PTPRD: variants seen among roughly 807,000 people sequenced by gnomAD.
PTPRD encodes the protein receptor-type tyrosine-protein phosphatase delta.
PTPRD carries 34 observed loss-of-function variants against 214.5 expected under a neutral mutation model. That is an observed-to-expected ratio of 0.16 (90% CI 0.12 to 0.21). The LOEUF is 0.21. Among genes scored for constraint, PTPRD ranks in the 10% least tolerant of loss-of-function variants. PTPRD has a pLI of 1.00. For missense variants in PTPRD, 2,545 were observed against 2,398.7 expected, an observed-to-expected ratio of 1.06 and a Z score of -1.27; for synonymous variants, 1,128 against 845.7, an observed-to-expected ratio of 1.33 and a Z score of -5.79.
chr9:9,877,898 G>A (rs775048543), intron 5 of PTPRD, among the ~76,000 whole-genome samples: 3 of 151,224 alleles, frequency 2.0e-5, no homozygotes, highest in African/African-American at 4.9e-5. Flanking sequence ...GCTTTACCCC[G>A]GGAGGTGGAG....
At chr9:8,669,147 T>C (rs918625975) in intron 12 of PTPRD, among the ~76,000 whole-genome samples, 1 of 152,154 alleles carries the variant, frequency 6.6e-6, no homozygotes, top group Non-Finnish European at 1.5e-5. Context: ...GGGATGCATG[T>C]AGGCAGACAG....
At chr9:8,741,148 T>C (rs1203746265) in intron 11 of PTPRD, among the ~76,000 whole-genome samples, 1 of 152,170 alleles carries the variant, frequency 6.6e-6, no homozygotes, top group Non-Finnish European at 1.5e-5. Context: ...TTAACTTTGA[T>C]TGTTTCTTTC....
intron 7 of PTPRD, among the ~76,000 whole-genome samples, chr9:9,720,310 A>G (rs2097913254): frequency 6.6e-6 from 1 of 152,266 alleles, no homozygotes; most frequent in Non-Finnish European, 1.5e-5. Flanking sequence ...CAAATTGTCA[A>G]CAGTCACAGA....
intron 10 of PTPRD, among the ~76,000 whole-genome samples, chr9:9,135,483 A>G (rs1359514402): frequency 6.6e-6 from 1 of 152,150 alleles, no homozygotes; most frequent in African/African-American, 2.4e-5. Context: ...GGACTTCTTC[A>G]CATTGCTGTT....
intron 3 of PTPRD, among the ~76,000 whole-genome samples, chr9:10,190,082 T>G (rs1246678044): frequency 1.3e-5 from 2 of 151,682 alleles, no homozygotes; most frequent in Non-Finnish European, 2.9e-5. Flanking sequence ...AAAGTCAAAG[T>G]GGGGCCAGGC....
chr9:8,501,105 G>T, intron 23 of PTPRD, 46 bp from the exon 24 acceptor site: 1 of 1,419,458 alleles, frequency 7.0e-7, no homozygotes, highest in Non-Finnish European at 9.6e-7. Context: ...GAAAGGACAG[G>T]AGTGGTTGAA....
rs549123181 is a variant in PTPRD at position 9,931,535 on chromosome 9, G to A, written c.-368+6972C>T. ...TTTTCCGACGGGCTTAAAAAACAGT[G>A]CACCAGGAGATTATATCCCGCACGT... On this transcript the variant is annotated intron_variant, in intron 5 of 45. Transcript: ENST00000381196. 3.8e-3 allele frequency among the ~76,000 whole-genome samples: 576 copies of A among 152,244 alleles called. 4 individuals carry two copies. The highest frequency in any genetic ancestry group is 0.012 in the African/African-American group (501 of 41,554).
chr9:9,427,328 A>C (rs982342775), intron 8 of PTPRD, among the ~76,000 whole-genome samples: 7 of 152,218 alleles, frequency 4.6e-5, no homozygotes, highest in African/African-American at 1.7e-4. Context: ...GGAAGATCAA[A>C]TGAATGAAAT....
intron 3 of PTPRD, among the ~76,000 whole-genome samples, chr9:10,308,032 G>A (rs2154414860): frequency 6.6e-6 from 1 of 151,884 alleles, no homozygotes; most frequent in Admixed American, 6.6e-5. Context: ...TCACTTTCTT[G>A]ATTTTTTTTC....
intron 14 of PTPRD, among the ~76,000 whole-genome samples, chr9:8,631,073 A>G (rs2096237641): frequency 1.3e-5 from 2 of 151,916 alleles, no homozygotes; most frequent in African/African-American, 4.8e-5. Context: ...CAAATGAGCC[A>G]GATTTGGCTT....
Position 10,063,216 on chromosome 9 carries a change from T to C in PTPRD, c.-544-29426A>G, listed in dbSNP as rs1371275356. ...TGTAAATTCAGCAAAATTCAACTGTTCCACTTCTGTCAACGTTTTAACCAA... is the reference window on the plus strand; with the variant it reads ...TGTAAATTCAGCAAAATTCAACTGTCCCACTTCTGTCAACGTTTTAACCAA... On this transcript the variant is annotated intron_variant, in intron 3 of 45. Coordinates refer to ENST00000381196, the MANE Select transcript of PTPRD (RefSeq NM_002839.4). 3.9e-5 allele frequency among the ~76,000 whole-genome samples: 6 copies of C among 152,058 alleles called. 1 individual carries two copies. Among genetic ancestry groups the C allele is most frequent in the African/African-American group, 1.2e-4 (5 of 41,456 alleles).
chr9:8,376,294 A>G (rs1402717710), intron 38 of PTPRD, among the ~76,000 whole-genome samples: 1 of 152,082 alleles, frequency 6.6e-6, no homozygotes, highest in Non-Finnish European at 1.5e-5. Context: ...CAAAATTCTT[A>G]GGTGAGAAGC....
At chr9:10,355,680 G>C (rs2097263860) in intron 2 of PTPRD, among the ~76,000 whole-genome samples, 1 of 151,994 alleles carries the variant, frequency 6.6e-6, no homozygotes, top group Non-Finnish European at 1.5e-5. Context: ...GTTTCACCAT[G>C]TTGGTCAGGG....
chr9:10,231,989 A>AGAGAGAGAGTGTGT lies in PTPRD; in HGVS notation c.-545+108973_-545+108974insACACACTCTCTCTC, dbSNP rs1245284728. Among the ~76,000 whole-genome samples, 487 of 92,440 alleles carry AGAGAGAGAGTGTGT rather than the reference A, an allele frequency of 5.3e-3. 9 individuals carry two copies. Among genetic ancestry groups the AGAGAGAGAGTGTGT allele is most frequent in the African/African-American group, 0.024 (447 of 18,906 alleles). The allele number at this position is 92,440 out of a possible 152,430, so 60.6% of individuals were successfully genotyped here. A position where few individuals can be genotyped will look rare whatever the true frequency, so the allele number is the denominator to read the frequency against. On this transcript the variant is annotated intron_variant, in intron 3 of 45. Transcript: ENST00000381196. ...GAGAGAGAGAGAGAGAGAGAGAGAG[A>AGAGAGAGAGTGTGT]GTGTGTGTGTGTGTGTGTGTGTGTG...
At chr9:9,423,612 G>T (rs565390357) in intron 8 of PTPRD, among the ~76,000 whole-genome samples, 11 of 152,108 alleles carry the variant, frequency 7.2e-5, no homozygotes, top group Non-Finnish European at 1.6e-4. Context: ...TTCCAGATAC[G>T]CACTGAAAGT....
intron 39 of PTPRD, among the ~76,000 whole-genome samples, chr9:8,354,988 G>C (rs2076601805): frequency 1.3e-5 from 2 of 152,142 alleles, no homozygotes; most frequent in Non-Finnish European, 2.9e-5. Flanking sequence ...ATAGGTCTTT[G>C]TGAACCTGGT....
At chr9:10,133,510 T>G (rs2098917968) in intron 3 of PTPRD, among the ~76,000 whole-genome samples, 1 of 152,030 alleles carries the variant, frequency 6.6e-6, no homozygotes, top group Non-Finnish European at 1.5e-5. Flanking sequence ...TATAAGTACA[T>G]AAATGTGTAC....
chr9:9,379,226 T>A (rs1200223586), intron 9 of PTPRD, among the ~76,000 whole-genome samples: 1 of 147,262 alleles, frequency 6.8e-6, no homozygotes, highest in African/African-American at 2.5e-5. Flanking sequence ...ATATTTGATA[T>A]ATTTTATATA....
chr9:9,408,176 C>A (rs543153418), intron 8 of PTPRD, among the ~76,000 whole-genome samples: 7 of 151,740 alleles, frequency 4.6e-5, no homozygotes, highest in Non-Finnish European at 7.4e-5. Flanking sequence ...CTTCTCACAA[C>A]TTTGTTTTTG....
Sources: gnomAD v4.1 joint callset for allele counts (sites outside exome capture counted in the v4.1 genomes callset) on GRCh38, gnomAD v4.1.1 for gene constraint, MANE v1.5 for transcripts, NCBI Gene and HGNC (gene_info 2026-07-23, HGNC 2026-07-21) for gene names.